Variants in SMYD3 observed in about 807,000 individuals in gnomAD.
The protein encoded by SMYD3 is histone-lysine N-methyltransferase SMYD3.
In SMYD3, 36 loss-of-function variants were observed where a neutral mutation model predicts 57.7. The ratio of observed to expected loss-of-function variants is 0.62; its 90% CI spans 0.48 to 0.82. The LOEUF is 0.82. Ranked by LOEUF, SMYD3 falls within the 40% of genes least tolerant of loss-of-function variation. SMYD3 has a pLI of 0.00. For synonymous variants in SMYD3, 211 were observed against 195.0 expected, an observed-to-expected ratio of 1.08 and a Z score of -0.68; for missense variants, 515 against 538.8, an observed-to-expected ratio of 0.96 and a Z score of 0.44.
intron 10 of SMYD3, among the ~76,000 whole-genome samples, chr1:245,829,057 CCTT>C (rs1463150385): frequency 7.4e-6 from 1 of 135,122 alleles, no homozygotes; most frequent in Non-Finnish European, 1.6e-5. Flanking sequence ...GTCCTCTTCA[CCTT>C]CTTAGCCTGG....
chr1:246,368,222 C>T (rs1008743463), intron 1 of SMYD3, among the ~76,000 whole-genome samples: 3 of 152,152 alleles, frequency 2.0e-5, no homozygotes, highest in Non-Finnish European at 2.9e-5. Flanking sequence ...AGAAGTGGGG[C>T]GTGAAATTAA....
At chr1:246,075,467 GGAGAA>G (rs1304891739) in intron 5 of SMYD3, among the ~76,000 whole-genome samples, 1 of 152,014 alleles carries the variant, frequency 6.6e-6, no homozygotes, top group African/African-American at 2.4e-5. Context: ...TGAAAGAGAA[GGAGAA>G]GAGAAGCTGC....
At chr1:246,258,221 G>A (rs2148515108) in intron 5 of SMYD3, among the ~76,000 whole-genome samples, 1 of 152,182 alleles carries the variant, frequency 6.6e-6, no homozygotes, top group East Asian at 1.9e-4. Flanking sequence ...ATTTTTAGTA[G>A]AGATGGGGTT....
chr1:246,083,061 C>G (rs918422306), intron 5 of SMYD3, among the ~76,000 whole-genome samples: 11 of 151,222 alleles, frequency 7.3e-5, no homozygotes, highest in Non-Finnish European at 1.0e-4. Flanking sequence ...ATATGGCCTC[C>G]TGGGAAGGGA....
chr1:246,377,025 G>A (rs375657746), intron 1 of SMYD3, among the ~76,000 whole-genome samples: 3 of 151,916 alleles, frequency 2.0e-5, no homozygotes, highest in Admixed American at 2.0e-4. Context: ...ACTTGAACCC[G>A]AGAGGCAGAG....
At chr1:246,341,195 T>C (rs1029896230) in intron 2 of SMYD3, among the ~76,000 whole-genome samples, 1 of 152,200 alleles carries the variant, frequency 6.6e-6, no homozygotes, top group Non-Finnish European at 1.5e-5. Context: ...CAGGGAGAAG[T>C]ACTTTTATAC....
intron 5 of SMYD3, among the ~76,000 whole-genome samples, chr1:246,166,932 T>A (rs6675531): frequency 0.071 from 10,836 of 152,292 alleles, 551 homozygotes; most frequent in African/African-American, 0.13. Flanking sequence ...TGAAGGCAGC[T>A]GCTCTCGGGT....
chr1:245,842,761 T>G (rs1364306337), intron 10 of SMYD3, among the ~76,000 whole-genome samples: 1 of 152,176 alleles, frequency 6.6e-6, no homozygotes, highest in Non-Finnish European at 1.5e-5. Context: ...CAGGCTGGAG[T>G]GCAGTGGTAC....
rs184299267 is a variant in SMYD3 at position 245,946,592 on chromosome 1, A to G, written c.532-16655T>C. On this transcript the variant is annotated intron_variant, in intron 5 of 11. Coordinates refer to ENST00000490107, the MANE Select transcript of SMYD3 (RefSeq NM_001167740.2). ...CATGGTCCGATGTTCTCACGCATCA[A>G]GGAAATTTGGTCAAAATAACCTTTG... is the stretch of plus-strand genomic sequence containing the variant. 3.0e-4 allele frequency among the ~76,000 whole-genome samples: 45 copies of G among 152,324 alleles called. No individual in the cohort carries two copies. In the East Asian group the frequency reaches 8.5e-3, roughly 29 times the overall value.
At chr1:246,103,729 C>T (rs777666201) in intron 5 of SMYD3, among the ~76,000 whole-genome samples, 14 of 152,160 alleles carry the variant, frequency 9.2e-5, no homozygotes, top group Admixed American at 1.3e-4. Flanking sequence ...TAAGAAAAAG[C>T]TCAAAATTAT....
At chr1:246,065,025 T>C (rs898057357) in intron 5 of SMYD3, among the ~76,000 whole-genome samples, 3 of 152,216 alleles carry the variant, frequency 2.0e-5, no homozygotes. Flanking sequence ...GTGCATGGTT[T>C]TTTCCAAAGC....
At chr1:245,953,346 G>C (rs1486227731) in intron 5 of SMYD3, 8 of 988,898 alleles carry the variant, frequency 8.1e-6, no homozygotes, top group Non-Finnish European at 9.8e-6. Context: ...ACATTTTTTA[G>C]GATGTAACTC....
intron 6 of SMYD3, among the ~76,000 whole-genome samples, chr1:245,929,461 G>C (rs2056587133): frequency 1.3e-5 from 2 of 152,166 alleles, no homozygotes; most frequent in Admixed American, 6.5e-5. Flanking sequence ...TGAGTGAAAG[G>C]GCTCAGAGTG....
intron 10 of SMYD3, among the ~76,000 whole-genome samples, chr1:245,814,862 GCA>G (rs150013782): frequency 1.1e-4 from 16 of 147,374 alleles, no homozygotes; most frequent in Non-Finnish European, 1.8e-4. Flanking sequence ...ACACACGCAA[GCA>G]CACACACACG....
At chr1:246,394,388 C>T (rs1016053814) in intron 1 of SMYD3, among the ~76,000 whole-genome samples, 1 of 152,228 alleles carries the variant, frequency 6.6e-6, no homozygotes, top group Non-Finnish European at 1.5e-5. Context: ...ACAAACCTCA[C>T]TGCACACACA....
At chr1:246,298,804 A>G (rs868597884) in intron 5 of SMYD3, among the ~76,000 whole-genome samples, 28 of 152,058 alleles carry the variant, frequency 1.8e-4, no homozygotes, top group Middle Eastern at 3.4e-3. Context: ...TTTCATGGGG[A>G]AAAAAAAGAG....
intron 5 of SMYD3, among the ~76,000 whole-genome samples, chr1:245,995,370 A>T (rs2058906334): frequency 6.6e-6 from 1 of 152,242 alleles, no homozygotes; most frequent in South Asian, 2.1e-4. Flanking sequence ...CCATATGACA[A>T]GTATTTAGCC....
chr1:246,000,319 G>T (rs7553687), intron 5 of SMYD3, among the ~76,000 whole-genome samples: 108,016 of 151,700 alleles, frequency 0.71, 39,132 homozygotes, highest in Middle Eastern at 0.85. Context: ...CTTCCCAGAA[G>T]GGGTGGGAAG....
At chr1:246,082,399 C>T (rs1035536292) in intron 5 of SMYD3, among the ~76,000 whole-genome samples, 1 of 152,132 alleles carries the variant, frequency 6.6e-6, no homozygotes, top group African/African-American at 2.4e-5. Flanking sequence ...AACCAACTCA[C>T]CCCCCTGGAC....
Sources: allele counts gnomAD v4.1 joint callset (sites outside exome capture counted in the v4.1 genomes callset), GRCh38; gene constraint gnomAD v4.1.1; transcripts MANE v1.5; gene names NCBI Gene and HGNC (gene_info 2026-07-23, HGNC 2026-07-21).